The following EXT1 variants were observed in gnomAD, a reference collection of about 807,000 sequenced individuals.
EXT1 encodes the protein exostosin glycosyltransferase 1.
In EXT1, 20 loss-of-function variants were observed where a neutral mutation model predicts 82.5. That is an observed-to-expected ratio of 0.24 (90% CI 0.17 to 0.35). EXT1 has a LOEUF of 0.35. EXT1 is among the 10% of genes least tolerant of loss of function. The probability of loss-of-function intolerance (pLI) is 1.00; values close to 1 mark genes in which losing one functional copy is unlikely to be tolerated. For missense variants in EXT1, 757 were observed against 936.5 expected, an observed-to-expected ratio of 0.81 and a Z score of 2.50; for synonymous variants, 348 against 350.8, an observed-to-expected ratio of 0.99 and a Z score of 0.09.
intron 1 of EXT1, among the ~76,000 whole-genome samples, chr8:118,025,687 G>A (rs1816189662): frequency 6.6e-6 from 1 of 152,132 alleles, no homozygotes; most frequent in Non-Finnish European, 1.5e-5. Flanking sequence ...GTGAACCTCC[G>A]GCAAAGCGGT....
Position 117,934,991 on chromosome 8 carries a change from A to C in EXT1, c.963-97790T>G, listed in dbSNP as rs181623415. Among the ~76,000 whole-genome samples, 4 of 152,344 alleles carry C rather than the reference A, an allele frequency of 2.6e-5. No individual in the cohort carries two copies. The East Asian group carries it at 7.7e-4, about 29-fold the overall frequency. On this transcript the variant is annotated intron_variant, in intron 1 of 10. Coordinates refer to ENST00000378204, the MANE Select transcript of EXT1 (RefSeq NM_000127.3). ...CAGAACACAGCTTAAACAGTGTCAT[A>C]AGAAAGAAAGCATGTGAGCTTTCTT...
At chr8:117,942,698 C>T (rs189088718) in intron 1 of EXT1, among the ~76,000 whole-genome samples, 9 of 151,844 alleles carry the variant, frequency 5.9e-5, no homozygotes, top group Admixed American at 3.3e-4. Flanking sequence ...GCAACAAGAG[C>T]GAAATTCGGT....
At chr8:117,897,893 G>A (rs902562272) in intron 1 of EXT1, among the ~76,000 whole-genome samples, 1 of 151,928 alleles carries the variant, frequency 6.6e-6, no homozygotes, top group South Asian at 2.1e-4. Context: ...GTGAACCACC[G>A]CACCCAGCCG....
At chr8:117,878,769 T>G (rs1371153981) in intron 1 of EXT1, among the ~76,000 whole-genome samples, 1 of 152,254 alleles carries the variant, frequency 6.6e-6, no homozygotes. Context: ...AGTGATTCCA[T>G]TCTAGAACCT....
intron 1 of EXT1, among the ~76,000 whole-genome samples, chr8:117,971,841 C>T (rs1243407071): frequency 6.6e-6 from 1 of 152,168 alleles, no homozygotes; most frequent in East Asian, 1.9e-4. Flanking sequence ...CATTCAAGAT[C>T]ACCAAAAGTG....
At chr8:117,855,411 G>C (rs936823705) in intron 1 of EXT1, among the ~76,000 whole-genome samples, 1 of 152,118 alleles carries the variant, frequency 6.6e-6, no homozygotes, top group African/African-American at 2.4e-5. Flanking sequence ...GTTATTGTAT[G>C]TTAGGGTGAT....
chr8:117,868,638 C>T (rs1039524625), intron 1 of EXT1, among the ~76,000 whole-genome samples: 8 of 151,750 alleles, frequency 5.3e-5, no homozygotes, highest in Non-Finnish European at 4.4e-5. Flanking sequence ...TTTGTAGAGA[C>T]GAGGTCCCAC....
chr8:118,109,640 C>T (rs1362828410), intron 1 of EXT1, among the ~76,000 whole-genome samples: 1 of 151,996 alleles, frequency 6.6e-6, no homozygotes, highest in Non-Finnish European at 1.5e-5. Flanking sequence ...GTAGGTACCC[C>T]CGCTCATGAG....
At chr8:117,898,905 C>T (rs1024035705) in intron 1 of EXT1, among the ~76,000 whole-genome samples, 14 of 151,998 alleles carry the variant, frequency 9.2e-5, no homozygotes, top group Admixed American at 1.3e-4. Context: ...CAGGAAACTA[C>T]GGTTTTATCA....
chr8:117,989,495 G>A (rs909064646), intron 1 of EXT1, among the ~76,000 whole-genome samples: 4 of 152,152 alleles, frequency 2.6e-5, no homozygotes, highest in African/African-American at 9.7e-5. Context: ...AATGGAGCCT[G>A]CAGTACTCAA....
At chr8:117,810,066 C>A (rs1823296524) in intron 8 of EXT1, among the ~76,000 whole-genome samples, 1 of 152,202 alleles carries the variant, frequency 6.6e-6, no homozygotes, top group Admixed American at 6.5e-5. Context: ...TAATTTCATG[C>A]AGATTATTAA....
intron 5 of EXT1, among the ~76,000 whole-genome samples, chr8:117,821,105 C>A (rs1022280445): frequency 2.0e-5 from 3 of 152,120 alleles, no homozygotes; most frequent in African/African-American, 7.2e-5. Flanking sequence ...GGCTTAACTG[C>A]GAGCAACACA....
chr8:117,901,683 A>C (rs17475351), intron 1 of EXT1, among the ~76,000 whole-genome samples: 7,600 of 152,222 alleles, frequency 0.05, 632 homozygotes, highest in African/African-American at 0.17. Flanking sequence ...CTTTACAAAA[A>C]TATTTTCTTT....
At position 117,796,251 on chromosome 8, in the gene EXT1, A is replaced by G. The variant is rs545365115; in HGVS notation, c.*3461T>C. Reference sequence around the variant, plus strand: ...GGAAGTTTGCTTGGCTTTTGCATCCATAATTCAGCCTTGTCCAGCAAGAAT... The same window carrying G: ...GGAAGTTTGCTTGGCTTTTGCATCCGTAATTCAGCCTTGTCCAGCAAGAAT... On this transcript the variant is annotated 3_prime_UTR_variant, in exon 11 of 11. Coordinates refer to ENST00000378204, the MANE Select transcript of EXT1 (RefSeq NM_000127.3). The G allele has an allele frequency of 2.0e-5, 3 of 152,280 alleles. No homozygotes were observed. In the South Asian group the frequency reaches 6.2e-4, roughly 32 times the overall value. 9.4% of individuals were successfully genotyped at this position (152,280 alleles called of 1,614,324 possible).
chr8:117,919,482 G>A (rs143413702), intron 1 of EXT1, among the ~76,000 whole-genome samples: 303 of 150,028 alleles, frequency 2.0e-3, no homozygotes, highest in South Asian at 0.013. Context: ...GAGCCACCAC[G>A]CTTGGCCAAC....
At chr8:117,959,472 TAAGG>T (rs1331305911) in intron 1 of EXT1, among the ~76,000 whole-genome samples, 1 of 152,180 alleles carries the variant, frequency 6.6e-6, no homozygotes, top group Non-Finnish European at 1.5e-5. Flanking sequence ...AGCATACCAC[TAAGG>T]AAGAGGACAA....
At chr8:118,024,787 G>A (rs867899026) in intron 1 of EXT1, among the ~76,000 whole-genome samples, 3 of 152,180 alleles carry the variant, frequency 2.0e-5, no homozygotes, top group South Asian at 2.1e-4. Context: ...GCTGGATGAG[G>A]CTGGAGAGTT....
At chr8:118,021,481 A>C (rs1452895756) in intron 1 of EXT1, among the ~76,000 whole-genome samples, 1 of 152,248 alleles carries the variant, frequency 6.6e-6, no homozygotes, top group Non-Finnish European at 1.5e-5. Context: ...TCTTCTGCAG[A>C]AGTTCAGGTA....
intron 1 of EXT1, among the ~76,000 whole-genome samples, chr8:118,093,562 G>A (rs1817560265): frequency 6.6e-6 from 1 of 152,150 alleles, no homozygotes; most frequent in Non-Finnish European, 1.5e-5. Context: ...GAAGTTTCAA[G>A]GAACACAGAT....
Sources: allele counts gnomAD v4.1 joint callset (sites outside exome capture counted in the v4.1 genomes callset), GRCh38; gene constraint gnomAD v4.1.1; transcripts MANE v1.5; gene names NCBI Gene and HGNC (gene_info 2026-07-23, HGNC 2026-07-21).